The following SNTG2 variants were observed in gnomAD, a reference collection of about 807,000 sequenced individuals.
SNTG2 encodes the protein syntrophin gamma 2, also known as gamma-2-syntrophin.
Under a neutral mutation model 70.9 loss-of-function variants are expected in SNTG2, and 74 were observed. The ratio of observed to expected loss-of-function variants is 1.04; its 90% CI spans 0.86 to 1.27. SNTG2 has a LOEUF of 1.27. Ranked by LOEUF, SNTG2 falls within the 50% of genes most tolerant of loss-of-function variation. The probability of loss-of-function intolerance (pLI) is 0.00; values close to 1 mark genes in which losing one functional copy is unlikely to be tolerated. For synonymous variants in SNTG2, 278 were observed against 273.8 expected, an observed-to-expected ratio of 1.02 and a Z score of -0.15; for missense variants, 717 against 690.7, an observed-to-expected ratio of 1.04 and a Z score of -0.43.
intron 1 of SNTG2, among the ~76,000 whole-genome samples, chr2:955,304 C>T (rs1228237363): frequency 1.3e-5 from 2 of 152,232 alleles, no homozygotes; most frequent in African/African-American, 4.8e-5. Flanking sequence ...CCAACATTCA[C>T]TCGACATTTG....
chr2:1,215,454 A>T (rs1356295152), intron 9 of SNTG2, among the ~76,000 whole-genome samples: 3 of 151,780 alleles, frequency 2.0e-5, no homozygotes, highest in Non-Finnish European at 4.4e-5. Context: ...TATTTAGATG[A>T]TCTGTTTCCT....
At chr2:1,154,900 A>C (rs997598176) in intron 6 of SNTG2, among the ~76,000 whole-genome samples, 2 of 150,530 alleles carry the variant, frequency 1.3e-5, no homozygotes, top group Admixed American at 1.3e-4. Context: ...ACAAAGACAC[A>C]TACCACATAC....
chr2:1,141,749 T>A (rs533168667), intron 6 of SNTG2, among the ~76,000 whole-genome samples: 1 of 151,216 alleles, frequency 6.6e-6, no homozygotes, highest in Non-Finnish European at 1.5e-5. Context: ...AACGTGGAGG[T>A]TCCACCAGTA....
chr2:1,165,494 C>T lies in SNTG2; in HGVS notation c.412-54C>T, dbSNP rs1487930805. ...GGTAGAGAGATTTTATTTTTTAATT[C>T]TGTGTCTGGTTCTTTTGTGGTGGTA... On this transcript the variant is annotated intron_variant, in intron 6 of 16. Transcript: ENST00000308624. The T allele has an allele frequency of 1.6e-5, 23 of 1,469,082 alleles. No individual in the cohort carries two copies. The East Asian group carries it at 5.0e-4, about 32-fold the overall frequency. 91.0% of individuals were successfully genotyped at this position (1,469,082 alleles called of 1,614,324 possible).
chr2:1,090,036 G>A (rs1033824909), intron 2 of SNTG2, among the ~76,000 whole-genome samples: 1 of 152,048 alleles, frequency 6.6e-6, no homozygotes, highest in East Asian at 1.9e-4. Context: ...TCCTTCATAC[G>A]CATTTTTCCA....
At chr2:1,036,460 C>T (rs1047868349) in intron 1 of SNTG2, among the ~76,000 whole-genome samples, 93 of 152,148 alleles carry the variant, frequency 6.1e-4, no homozygotes, top group Non-Finnish European at 1.3e-3. Context: ...TGTTTTAAAA[C>T]CTACTTAAGT....
chr2:1,026,886 C>G (rs1271259511), intron 1 of SNTG2, among the ~76,000 whole-genome samples: 1 of 152,162 alleles, frequency 6.6e-6, no homozygotes, highest in African/African-American at 2.4e-5. Context: ...GCCTCCTTCT[C>G]TCCTGACTTA....
chr2:1,099,400 G>A (rs948330742), intron 4 of SNTG2, among the ~76,000 whole-genome samples: 38 of 152,194 alleles, frequency 2.5e-4, no homozygotes, highest in African/African-American at 8.9e-4. Context: ...TTCTCTCCAC[G>A]CTCCACCAGA....
At chr2:1,307,694 G>A (rs1466709740) in intron 14 of SNTG2, among the ~76,000 whole-genome samples, 4 of 152,190 alleles carry the variant, frequency 2.6e-5, no homozygotes, top group African/African-American at 9.7e-5. Context: ...CAAGTTATTA[G>A]GGTCCCTGCT....
intron 16 of SNTG2, among the ~76,000 whole-genome samples, chr2:1,338,338 C>T (rs1349038109): frequency 6.6e-6 from 1 of 152,102 alleles, no homozygotes; most frequent in Non-Finnish European, 1.5e-5. Flanking sequence ...GATGCCTTTC[C>T]ATTTGTTGGT....
chr2:1,299,702 A>G (rs1036696044), intron 14 of SNTG2, among the ~76,000 whole-genome samples: 1 of 152,224 alleles, frequency 6.6e-6, no homozygotes, highest in Admixed American at 6.5e-5. Context: ...CACAACTGCA[A>G]TGCTGAGCTG....
chr2:1,015,197 G>T (rs1659850197), intron 1 of SNTG2, among the ~76,000 whole-genome samples: 1 of 152,136 alleles, frequency 6.6e-6, no homozygotes, highest in African/African-American at 2.4e-5. Context: ...GATGTGGGCA[G>T]CTGGGACCAT....
At chr2:1,255,766 A>T (rs1451784144) in intron 12 of SNTG2, among the ~76,000 whole-genome samples, 1 of 141,218 alleles carries the variant, frequency 7.1e-6, no homozygotes, top group Non-Finnish European at 1.5e-5. Flanking sequence ...GCTTTACATT[A>T]ATCTTCTAAT....
chr2:956,273 C>T (rs1660155471), intron 1 of SNTG2, among the ~76,000 whole-genome samples: 4 of 144,084 alleles, frequency 2.8e-5, no homozygotes, highest in African/African-American at 7.7e-5. Flanking sequence ...CCCTGCCCTG[C>T]CCCTGCACCT....
chr2:997,213 G>C (rs779988603), intron 1 of SNTG2, among the ~76,000 whole-genome samples: 1 of 152,176 alleles, frequency 6.6e-6, no homozygotes, highest in African/African-American at 2.4e-5. Flanking sequence ...ACATGTACTG[G>C]GGGCGTGACA....
intron 12 of SNTG2, among the ~76,000 whole-genome samples, chr2:1,250,502 C>T (rs1677690399): frequency 6.6e-6 from 1 of 152,050 alleles, no homozygotes; most frequent in Non-Finnish European, 1.5e-5. Context: ...TCTGACTCAT[C>T]TCTCTGTCTC....
intron 15 of SNTG2, among the ~76,000 whole-genome samples, chr2:1,311,578 G>A (rs569078241): frequency 1.5e-4 from 23 of 152,236 alleles, no homozygotes; most frequent in South Asian, 6.2e-4. Flanking sequence ...TGAGTTTGGC[G>A]TCAGTAGGCT....
chr2:1,159,918 G>A (rs1286441308), intron 6 of SNTG2, among the ~76,000 whole-genome samples: 1 of 152,154 alleles, frequency 6.6e-6, no homozygotes, highest in East Asian at 1.9e-4. Flanking sequence ...CTACTCAACA[G>A]GAATTTGAGG....
intron 2 of SNTG2, among the ~76,000 whole-genome samples, chr2:1,091,486 C>G (rs970697090): frequency 6.6e-6 from 1 of 152,184 alleles, no homozygotes; most frequent in Non-Finnish European, 1.5e-5. Flanking sequence ...GATGCCAGGA[C>G]GCAAACATCA....
Sources: allele counts gnomAD v4.1 joint callset (sites outside exome capture counted in the v4.1 genomes callset), GRCh38; gene constraint gnomAD v4.1.1; transcripts MANE v1.5; gene names NCBI Gene and HGNC (gene_info 2026-07-23, HGNC 2026-07-21).